Variants in PCCA observed in about 807,000 individuals in gnomAD.
The protein encoded by PCCA is propionyl-CoA carboxylase subunit alpha, also known as propionyl-CoA carboxylase alpha chain, mitochondrial.
Under a neutral mutation model 101.3 loss-of-function variants are expected in PCCA, and 74 were observed. The observed-to-expected ratio is 0.73, with a 90% confidence interval of 0.61 to 0.89. PCCA has a LOEUF of 0.89. PCCA is among the 40% of genes least tolerant of loss of function. PCCA has a pLI of 0.00. For synonymous variants in PCCA, 294 were observed against 313.6 expected, an observed-to-expected ratio of 0.94 and a Z score of 0.66; for missense variants, 891 against 907.0, an observed-to-expected ratio of 0.98 and a Z score of 0.23.
chr13:100,155,252 A>G (rs1365682750), intron 5 of PCCA, among the ~76,000 whole-genome samples, 160 bp downstream of exon 5: 1 of 152,216 alleles, frequency 6.6e-6, no homozygotes. Context: ...GCTACTGGAA[A>G]TCAAAGGCTT....
chr13:100,320,065 G>A (rs1414297836), intron 16 of PCCA, among the ~76,000 whole-genome samples: 1 of 152,114 alleles, frequency 6.6e-6, no homozygotes, highest in African/African-American at 2.4e-5. Context: ...TGGATTCCTA[G>A]GTATTTTATT....
chr13:100,093,473 C>G (rs1433531604), intron 1 of PCCA, among the ~76,000 whole-genome samples: 1 of 152,176 alleles, frequency 6.6e-6, no homozygotes, highest in Non-Finnish European at 1.5e-5. Flanking sequence ...TTCATTCATT[C>G]ATTTGTCTAG....
intron 20 of PCCA, 105 bp from the exon 21 acceptor site, chr13:100,449,147 A>C: frequency 1.5e-6 from 1 of 646,188 alleles, no homozygotes; most frequent in South Asian, 2.0e-5. Context: ...TATTTTGTTT[A>C]CCCATCCATC....
chr13:100,199,376 A>G (rs2058329747), intron 6 of PCCA, among the ~76,000 whole-genome samples: 2 of 152,118 alleles, frequency 1.3e-5, no homozygotes, highest in Non-Finnish European at 2.9e-5. Context: ...TTTAAATTTG[A>G]TAAGTCTTTA....
At chr13:100,315,959 A>G (rs2067310997) in intron 16 of PCCA, among the ~76,000 whole-genome samples, 1 of 152,232 alleles carries the variant, frequency 6.6e-6, no homozygotes, top group African/African-American at 2.4e-5. Context: ...GAAAAGAAAG[A>G]AACTAAATGC....
intron 20 of PCCA, among the ~76,000 whole-genome samples, chr13:100,438,568 C>T (rs79605381): frequency 6.6e-5 from 10 of 152,182 alleles, no homozygotes; most frequent in East Asian, 1.9e-4. Flanking sequence ...TAGGCAGTGA[C>T]GCACATAGCA....
intron 7 of PCCA, among the ~76,000 whole-genome samples, chr13:100,211,064 A>T (rs1298949321): frequency 2.0e-5 from 3 of 152,028 alleles, no homozygotes; most frequent in Non-Finnish European, 4.4e-5. Context: ...AATTCTCCTC[A>T]TCTTTTAGCT....
At chr13:100,475,689 A>C (rs2083363448) in intron 21 of PCCA, among the ~76,000 whole-genome samples, 1 of 151,978 alleles carries the variant, frequency 6.6e-6, no homozygotes, top group Non-Finnish European at 1.5e-5. Flanking sequence ...TGGTGTAGTA[A>C]CTCTATGTTT....
At chr13:100,244,608 A>C (rs1306014320) in intron 8 of PCCA, among the ~76,000 whole-genome samples, 1 of 151,668 alleles carries the variant, frequency 6.6e-6, no homozygotes, top group Non-Finnish European at 1.5e-5. Context: ...TGTGAAAAAA[A>C]CATTGCTTTT....
chr13:100,314,665 ATAATC>A (rs1425774452), intron 16 of PCCA, among the ~76,000 whole-genome samples: 8 of 152,238 alleles, frequency 5.3e-5, no homozygotes, highest in African/African-American at 1.7e-4. Flanking sequence ...CAACCTGAGT[ATAATC>A]ATGAGGAAAC....
In PCCA at chr13:100,452,261, GTC is replaced by G. The variant is rs1397746786; in HGVS notation, c.1899+2960_1899+2961del. On this transcript the variant is annotated intron_variant, in intron 21 of 23. Coordinates refer to ENST00000376285, the MANE Select transcript of PCCA (RefSeq NM_000282.4). ...GTCTCTCCCTGTCTCCCTCTCCCCT[GTC>G]TCTGTCTCTGTGTCCCCACGCCCCC... 3.4e-5 allele frequency among the ~76,000 whole-genome samples: 5 copies of G among 148,954 alleles called. No homozygotes were observed. The East Asian group carries it at 9.9e-4, about 30-fold the overall frequency.
Position 100,105,868 on chromosome 13 carries a change from A to T in PCCA, c.183+2908A>T, listed in dbSNP as rs1475874294. Among the ~76,000 whole-genome samples, 339 of 146,132 alleles carry T rather than the reference A, an allele frequency of 2.3e-3. 2 individuals carry two copies. Among genetic ancestry groups the T allele is most frequent in the Non-Finnish European group, 4.5e-3 (300 of 66,478 alleles). ...TCAAAAAAAAAAAAAAAAAAAAAAA[A>T]AAAAAAAAAGAAAAGAAAAGGAAAA... On this transcript the variant is annotated intron_variant, in intron 2 of 23. Transcript: ENST00000376285.
At chr13:100,189,411 G>T (rs1566668018) in intron 6 of PCCA, among the ~76,000 whole-genome samples, 1 of 152,166 alleles carries the variant, frequency 6.6e-6, no homozygotes, top group East Asian at 1.9e-4. Flanking sequence ...CCCAGTAATG[G>T]AATTGCTGCT....
chr13:100,322,268 G>C (rs1317691930), intron 16 of PCCA, among the ~76,000 whole-genome samples: 1 of 152,170 alleles, frequency 6.6e-6, no homozygotes, highest in Non-Finnish European at 1.5e-5. Context: ...CAATGAGAGA[G>C]TCGGAAGTTG....
At chr13:100,379,891 A>C (rs2076130106) in intron 19 of PCCA, among the ~76,000 whole-genome samples, 1 of 152,204 alleles carries the variant, frequency 6.6e-6, no homozygotes, top group Admixed American at 6.5e-5. Flanking sequence ...CACCCAAATC[A>C]TGTAATTCCC....
chr13:100,123,528 T>C (rs1039570462), intron 4 of PCCA, among the ~76,000 whole-genome samples: 9 of 152,142 alleles, frequency 5.9e-5, no homozygotes, highest in Non-Finnish European at 1.3e-4. Context: ...AAAATGAAAT[T>C]TTTAGGACTT....
intron 1 of PCCA, among the ~76,000 whole-genome samples, chr13:100,089,734 T>G (rs902219923): frequency 7.2e-5 from 11 of 152,230 alleles, no homozygotes; most frequent in African/African-American, 2.7e-4. Context: ...CCAATAGATT[T>G]TACGTTTCAT....
At chr13:100,102,834 TA>T in intron 1 of PCCA, 48 bp from the exon 2 acceptor site, 1 of 1,251,234 alleles carries the variant, frequency 8.0e-7, no homozygotes, top group Non-Finnish European at 1.2e-6. Context: ...AAAAATGTTC[TA>T]AAGCCCATCA....
chr13:100,303,044 T>C, intron 14 of PCCA, 46 bp downstream of exon 14: 1 of 1,031,886 alleles, frequency 9.7e-7, no homozygotes, highest in Non-Finnish European at 1.5e-6. Flanking sequence ...AAAATCGTGA[T>C]TTATGTCATA....
Sources: gnomAD v4.1 joint callset for allele counts (sites outside exome capture counted in the v4.1 genomes callset) on GRCh38, gnomAD v4.1.1 for gene constraint, MANE v1.5 for transcripts, NCBI Gene and HGNC (gene_info 2026-07-23, HGNC 2026-07-21) for gene names.